The following MAP4K1 variants were observed in gnomAD, a reference collection of about 807,000 sequenced individuals.
MAP4K1 encodes mitogen-activated protein kinase kinase kinase kinase 1.
In MAP4K1, 35 loss-of-function variants were observed where a neutral mutation model predicts 122.8. The ratio of observed to expected loss-of-function variants is 0.29; its 90% CI spans 0.22 to 0.38. The LOEUF is 0.38. Ranked by LOEUF, MAP4K1 falls within the 10% of genes least tolerant of loss-of-function variation. The pLI, the probability that MAP4K1 is intolerant of heterozygous loss-of-function variation, is 1.00. For missense variants in MAP4K1, 791 were observed against 1,072.6 expected (o/e 0.74, Z 3.67); for synonymous variants, 412 against 421.3 (o/e 0.98, Z 0.27).
At chr19:38,606,385 C>A (rs1472140241) in intron 16 of MAP4K1, among the ~76,000 whole-genome samples, 170 bp from the exon 17 acceptor site, 1 of 152,220 alleles carries the variant, frequency 6.6e-6, no homozygotes, top group African/African-American at 2.4e-5. Flanking sequence ...CCAGGCTGGA[C>A]ATAGTGGCTC....
intron 8 of MAP4K1, 79 bp from the exon 9 acceptor site, chr19:38,612,821 T>G: frequency 6.7e-7 from 1 of 1,498,172 alleles, no homozygotes; most frequent in Non-Finnish European, 9.2e-7. Context: ...GAGAAGGAGT[T>G]GAGGGGAGAC....
At chr19:38,603,281 C>A (rs1243678454) in intron 19 of MAP4K1, among the ~76,000 whole-genome samples, 1 of 144,694 alleles carries the variant, frequency 6.9e-6, no homozygotes, top group African/African-American at 2.8e-5. Flanking sequence ...TATACACATA[C>A]ATATACACAC....
chr19:38,593,097 CAAAAAG>C (rs1974774615), intron 30 of MAP4K1, among the ~76,000 whole-genome samples, 179 bp downstream of exon 30: 1 of 151,362 alleles, frequency 6.6e-6, no homozygotes, highest in African/African-American at 2.4e-5. Context: ...AGAAACAAAA[CAAAAAG>C]AGAGAACGCC....
At chr19:38,615,226 G>C (rs1011518867) in intron 4 of MAP4K1, among the ~76,000 whole-genome samples, 1 of 151,670 alleles carries the variant, frequency 6.6e-6, no homozygotes, top group Non-Finnish European at 1.5e-5. Flanking sequence ...AGGGGGTGGG[G>C]TGGAGTGGAG....
rs1249477231 is a variant in MAP4K1 at position 38,602,680 on chromosome 19, A to ATATACATATATACACACATATACATG, written c.1447-1181_1447-1156dup. On this transcript the variant is annotated intron_variant, in intron 19 of 30. Transcript: ENST00000396857. ...TATATACACATGTACATATATACGC[A>ATATACATATATACACACATATACATG]TATACATATATACACACATATACAT... Among the ~76,000 whole-genome samples the ATATACATATATACACACATATACATG allele has an allele frequency of 8.8e-4, 131 of 149,212 alleles. 1 individual carries two copies. Among genetic ancestry groups the ATATACATATATACACACATATACATG allele is most frequent in the Middle Eastern group, 7.5e-3 (2 of 266 alleles).
rs569211130 is a variant in MAP4K1, at chr19:38,612,691, C to A, written c.585G>T (p.Leu195=). Reference sequence around the variant, plus strand: ...TGATGCCCAGGGACCAGATGTCACACAGCTCATTGTATCCTCCCTTCAGGG... The same window carrying A: ...TGATGCCCAGGGACCAGATGTCACAAAGCTCATTGTATCCTCCCTTCAGGG... The part of the protein sequence containing the change: ...AVALKGGYNE[L]CDIWSLGITA... Residue 195 remains leucine (L), a synonymous_variant, in exon 9 of 31, where the codon CTG becomes CTT. Coordinates refer to ENST00000396857, the MANE Select transcript of MAP4K1 (RefSeq NM_001042600.3). 45 of 1,613,828 alleles carry A rather than the reference C, an allele frequency of 2.8e-5. No homozygotes were observed. In the South Asian group the frequency reaches 4.7e-4, roughly 17 times the overall value.
chr19:38,613,097 G>A (rs987683569), intron 8 of MAP4K1, among the ~76,000 whole-genome samples: 1 of 151,892 alleles, frequency 6.6e-6, no homozygotes, highest in Admixed American at 6.6e-5. Flanking sequence ...CACCTGAGGT[G>A]AGGAGTTCGA....
rs550798301 is a variant in MAP4K1, at chr19:38,598,277, C to T, written c.1670-683G>A. On this transcript the variant is annotated intron_variant, in intron 22 of 30. Coordinates refer to ENST00000396857, the MANE Select transcript of MAP4K1 (RefSeq NM_001042600.3). The stretch of plus-strand genomic sequence containing the variant: ...AACTACTGACCTCAGGTGATCTACC[C>T]GCCTCGGCCTCCCAAAGTGTTGGGA... Among the ~76,000 whole-genome samples, 4 of 151,994 alleles carry T rather than the reference C, an allele frequency of 2.6e-5. No individual in the cohort carries two copies. In the East Asian group the frequency reaches 5.8e-4, roughly 22 times the overall value.
intron 19 of MAP4K1, among the ~76,000 whole-genome samples, chr19:38,604,500 AT>A (rs1975263833): frequency 6.6e-6 from 1 of 152,048 alleles, no homozygotes; most frequent in Non-Finnish European, 1.5e-5. Context: ...AATTTTTTAA[AT>A]TTTTAGTAGC....
chr19:38,605,322 C>T, intron 19 of MAP4K1, 87 bp downstream of exon 19: 2 of 1,032,458 alleles, frequency 1.9e-6, no homozygotes, highest in Non-Finnish European at 2.9e-6. Context: ...CCTGTTGTTA[C>T]TGTCAGTCCT....
intron 19 of MAP4K1, among the ~76,000 whole-genome samples, 191 bp downstream of exon 19, chr19:38,605,218 C>T (rs1245911104): frequency 6.6e-6 from 1 of 152,026 alleles, no homozygotes; most frequent in Non-Finnish European, 1.5e-5. Context: ...TGGGGGATAA[C>T]ATCTCTGTGA....
intron 13 of MAP4K1, among the ~76,000 whole-genome samples, chr19:38,608,432 C>T (rs995481349): frequency 2.0e-5 from 3 of 151,540 alleles, no homozygotes; most frequent in African/African-American, 7.3e-5. Flanking sequence ...GTGGGCAGAT[C>T]GCTGGAACCC....
chr19:38,603,235 T>C lies in MAP4K1; in HGVS notation c.1447-1710A>G, dbSNP rs200440082. ...ATATATACACATATACATATACACA[T>C]ATATATACACATGTACATATATACG... On this transcript the variant is annotated intron_variant, in intron 19 of 30. Coordinates refer to ENST00000396857, the MANE Select transcript of MAP4K1 (RefSeq NM_001042600.3). Among the ~76,000 whole-genome samples the C allele has an allele frequency of 2.1e-4, 27 of 129,254 alleles. 1 individual carries two copies. The highest frequency in any genetic ancestry group is 2.0e-3 in the South Asian group (7 of 3,446). The allele number at this position is 129,254 out of a possible 152,430, so 84.8% of individuals were successfully genotyped here.
At chr19:38,602,420 A>T (rs570894522) in intron 19 of MAP4K1, among the ~76,000 whole-genome samples, 93 of 151,382 alleles carry the variant, frequency 6.1e-4, no homozygotes, top group African/African-American at 1.8e-3. Flanking sequence ...AGACACACAC[A>T]CACACACACA....
At chr19:38,596,127 C>A in intron 26 of MAP4K1, 126 bp from the exon 27 acceptor site, 1 of 1,310,148 alleles carries the variant, frequency 7.6e-7, no homozygotes, top group South Asian at 1.2e-5. Context: ...CTAAACCCCG[C>A]CCACCATCCC....
intron 15 of MAP4K1, 23 bp downstream of exon 15, chr19:38,607,967 C>T (rs769102954): frequency 8.1e-5 from 130 of 1,611,632 alleles, no homozygotes; most frequent in Non-Finnish European, 1.2e-5. Flanking sequence ...AGCCCCCTCC[C>T]CATCCTCCCT....
At chr19:38,593,168 G>C in intron 30 of MAP4K1, 114 bp downstream of exon 30, 1 of 926,294 alleles carries the variant, frequency 1.1e-6, no homozygotes, top group East Asian at 2.8e-5. Flanking sequence ...GAAGCAGGGT[G>C]ACCAGGTGAG....
At chr19:38,604,958 T>C (rs766704410) in intron 19 of MAP4K1, among the ~76,000 whole-genome samples, 34 of 149,160 alleles carry the variant, frequency 2.3e-4, no homozygotes, top group Non-Finnish European at 4.2e-4. Context: ...TGGTGCTGCA[T>C]TGCCTGTAAT....
chr19:38,609,519 C>G, intron 13 of MAP4K1, 77 bp downstream of exon 13: 1 of 1,271,950 alleles, frequency 7.9e-7, no homozygotes, highest in Non-Finnish European at 1.1e-6. Flanking sequence ...TCTCTGGAGG[C>G]CTGATGGTAG....
Sources: gnomAD v4.1 joint callset for allele counts (sites outside exome capture counted in the v4.1 genomes callset) on GRCh38, gnomAD v4.1.1 for gene constraint, MANE v1.5 for transcripts, NCBI Gene and HGNC (gene_info 2026-07-23, HGNC 2026-07-21) for gene names.